The following SORCS2 variants were observed in gnomAD, a reference collection of about 807,000 sequenced individuals.
The protein encoded by SORCS2 is sortilin related VPS10 domain containing receptor 2, also known as VPS10 domain-containing receptor SorCS2.
In SORCS2, 100 loss-of-function variants were observed where a neutral mutation model predicts 141.6. The observed-to-expected ratio is 0.71, with a 90% CI of 0.60 to 0.83. The LOEUF is 0.83. Ranked by LOEUF, SORCS2 falls within the 40% of genes least tolerant of loss-of-function variation. The pLI is 0.00. For synonymous variants in SORCS2, 789 were observed against 676.9 expected, an observed-to-expected ratio of 1.17 and a Z score of -2.57; for missense variants, 1,646 against 1,560.2, an observed-to-expected ratio of 1.05 and a Z score of -0.93.
intron 1 of SORCS2, among the ~76,000 whole-genome samples, chr4:7,311,013 C>A (rs1463639657): frequency 6.6e-6 from 1 of 152,160 alleles, no homozygotes; most frequent in African/African-American, 2.4e-5. Context: ...TCTCTTGAAA[C>A]TTTAGCCACA....
chr4:7,724,302 C>G lies in SORCS2; in HGVS notation c.2611+419C>G, dbSNP rs114114624. ...GTGGTGGTGGTGGTGATAATGGTGA[C>G]AATGGTGGTGGTGGTGGTGGTGATA... On this transcript the variant is annotated intron_variant, in intron 19 of 26. Coordinates refer to ENST00000507866, the MANE Select transcript of SORCS2 (RefSeq NM_020777.3). 9.9e-5 allele frequency among the ~76,000 whole-genome samples: 7 copies of G among 71,018 alleles called. No individual in the cohort carries two copies. The South Asian group carries it at 4.7e-3, about 48-fold the overall frequency. The allele number at this position is 71,018 out of a possible 152,430, so 46.6% of individuals were successfully genotyped here. A position where few individuals can be genotyped will look rare whatever the true frequency, so the allele number is the denominator to read the frequency against.
intron 10 of SORCS2, among the ~76,000 whole-genome samples, chr4:7,685,688 A>T (rs3059390): frequency 5.3e-5 from 8 of 149,592 alleles, no homozygotes; most frequent in African/African-American, 1.5e-4. Context: ...AAAATAAATA[A>T]ATATATATAT....
intron 2 of SORCS2, among the ~76,000 whole-genome samples, chr4:7,496,518 C>G (rs1425644636): frequency 7.6e-6 from 1 of 130,886 alleles, no homozygotes; most frequent in Non-Finnish European, 1.6e-5. Context: ...GTGCTCTGCA[C>G]GGAGGCTGTA....
intron 1 of SORCS2, among the ~76,000 whole-genome samples, chr4:7,368,167 G>A (rs960311952): frequency 3.3e-5 from 5 of 152,268 alleles, no homozygotes; most frequent in Admixed American, 6.5e-5. Context: ...TTCCAAAACC[G>A]GGTGGCCATG....
chr4:7,354,565 G>A (rs561308685), intron 1 of SORCS2, among the ~76,000 whole-genome samples: 154 of 152,374 alleles, frequency 1.0e-3, no homozygotes, highest in African/African-American at 3.5e-3. Flanking sequence ...CTCTGAGCTC[G>A]TGTCCTCTTT....
chr4:7,400,818 AATGG>A (rs1724533471), intron 2 of SORCS2, among the ~76,000 whole-genome samples: 1 of 145,274 alleles, frequency 6.9e-6, no homozygotes, highest in African/African-American at 2.6e-5. Flanking sequence ...TGGATAGAAG[AATGG>A]ATGGATGGAT....
At chr4:7,366,373 C>T (rs1023798919) in intron 1 of SORCS2, among the ~76,000 whole-genome samples, 3 of 151,928 alleles carry the variant, frequency 2.0e-5, no homozygotes, top group African/African-American at 4.8e-5. Context: ...TCCCTGCTCC[C>T]GGGCAGCCTG....
chr4:7,652,418 TCTCCCCAGGC>T (rs1234708625), intron 4 of SORCS2, among the ~76,000 whole-genome samples: 3 of 151,950 alleles, frequency 2.0e-5, no homozygotes, highest in Non-Finnish European at 4.4e-5. Flanking sequence ...CCCCTTCCCT[TCTCCCCAGGC>T]CTGGGGCACT....
intron 2 of SORCS2, among the ~76,000 whole-genome samples, chr4:7,514,861 A>G (rs887413708): frequency 6.6e-6 from 1 of 152,082 alleles, no homozygotes; most frequent in African/African-American, 2.4e-5. Context: ...CCCACCATCA[A>G]TGGGACTGCT....
intron 1 of SORCS2, among the ~76,000 whole-genome samples, chr4:7,285,079 C>T (rs943007883): frequency 4.0e-5 from 6 of 150,968 alleles, no homozygotes; most frequent in Non-Finnish European, 8.8e-5. Context: ...GTTGCCCAGA[C>T]TCGAGTGCAG....
At chr4:7,656,693 G>A (rs1486587271) in intron 5 of SORCS2, among the ~76,000 whole-genome samples, 1 of 152,184 alleles carries the variant, frequency 6.6e-6, no homozygotes, top group East Asian at 1.9e-4. Context: ...TCCTTGCTCA[G>A]CCCCACGCTC....
chr4:7,494,621 AG>A, intron 2 of SORCS2, among the ~76,000 whole-genome samples: 1 of 152,290 alleles, frequency 6.6e-6, no homozygotes, highest in South Asian at 2.1e-4. Flanking sequence ...CACCTCCCAA[AG>A]GCCCCATCTC....
rs150514473 is a variant in SORCS2 at position 7,639,166 on chromosome 4, C to G, written c.813+674C>G. 1.7e-3 allele frequency among the ~76,000 whole-genome samples: 259 copies of G among 152,308 alleles called. 1 individual carries two copies. Among genetic ancestry groups the G allele is most frequent in the African/African-American group, 5.9e-3 (245 of 41,564 alleles). On this transcript the variant is annotated intron_variant, in intron 4 of 26. Coordinates refer to ENST00000507866, the MANE Select transcript of SORCS2 (RefSeq NM_020777.3). Reference sequence around the variant, plus strand: ...TGTTCCTTTTCTGCAGCCGTGGGAACAAATGGCCACAGGCTCTAGCTTAAG... The same window carrying G: ...TGTTCCTTTTCTGCAGCCGTGGGAAGAAATGGCCACAGGCTCTAGCTTAAG...
chr4:7,230,545 C>G (rs77154562), intron 1 of SORCS2, among the ~76,000 whole-genome samples: 2 of 128,478 alleles, frequency 1.6e-5, no homozygotes, highest in Admixed American at 7.8e-5. Context: ...AGTGTCTGGG[C>G]AGGAGTAGTG....
At chr4:7,643,924 C>T (rs1041845748) in intron 4 of SORCS2, among the ~76,000 whole-genome samples, 7 of 152,174 alleles carry the variant, frequency 4.6e-5, no homozygotes, top group Non-Finnish European at 7.3e-5. Flanking sequence ...AAAGATTGGG[C>T]ATCTCTTGAG....
intron 2 of SORCS2, among the ~76,000 whole-genome samples, chr4:7,492,367 T>G (rs180862714): frequency 1.3e-5 from 2 of 152,246 alleles, no homozygotes; most frequent in African/African-American, 4.8e-5. Flanking sequence ...TAGCACCATG[T>G]CCACCAGGCC....
chr4:7,709,853 C>T (rs1294361663), intron 14 of SORCS2, among the ~76,000 whole-genome samples: 1 of 152,186 alleles, frequency 6.6e-6, no homozygotes, highest in Non-Finnish European at 1.5e-5. Flanking sequence ...GTCCCCAGGC[C>T]CTGGGCTTGG....
intron 8 of SORCS2, among the ~76,000 whole-genome samples, chr4:7,668,427 G>C (rs749100374): frequency 6.6e-6 from 1 of 152,128 alleles, no homozygotes; most frequent in Admixed American, 6.5e-5. Context: ...AAAATGGTTC[G>C]GGTGGAGGGC....
chr4:7,204,674 T>C (rs951449), intron 1 of SORCS2, among the ~76,000 whole-genome samples: 88,600 of 152,066 alleles, frequency 0.58, 27,527 homozygotes, highest in East Asian at 0.92. Flanking sequence ...GACAATCCCG[T>C]GCCTAGAAGG....
Sources: gnomAD v4.1 joint callset for allele counts (sites outside exome capture counted in the v4.1 genomes callset) on GRCh38, gnomAD v4.1.1 for gene constraint, MANE v1.5 for transcripts, NCBI Gene and HGNC (gene_info 2026-07-23, HGNC 2026-07-21) for gene names.